SAXO1: variants seen among roughly 807,000 people sequenced by gnomAD.
SAXO1 encodes the protein stabilizer of axonemal microtubules 1.
Under a neutral mutation model 17.5 loss-of-function variants are expected in SAXO1, and 21 were observed. That is an observed-to-expected ratio of 1.20 (90% CI 0.85 to 1.72). SAXO1 has a LOEUF of 1.72. Ranked by LOEUF, SAXO1 falls within the 40% of genes most tolerant of loss-of-function variation. SAXO1 has a pLI of 0.00. For synonymous variants in SAXO1, 274 were observed against 216.5 expected, an observed-to-expected ratio of 1.27 and a Z score of -2.33; for missense variants, 843 against 596.0, an observed-to-expected ratio of 1.41 and a Z score of -4.32.
chr9:18,973,422 T>A (rs548691462), intron 1 of SAXO1, among the ~76,000 whole-genome samples: 1 of 152,312 alleles, frequency 6.6e-6, no homozygotes. Context: ...CCAAGTGAAA[T>A]TTCAGAAACA....
intron 1 of SAXO1, among the ~76,000 whole-genome samples, chr9:18,989,215 T>C (rs1370869523): frequency 3.9e-5 from 6 of 152,284 alleles, no homozygotes; most frequent in African/African-American, 1.4e-4. Context: ...AATACAATGA[T>C]GCCAAAACAG....
At chr9:18,943,831 C>T (rs773618097) in intron 2 of SAXO1, among the ~76,000 whole-genome samples, 1 of 152,214 alleles carries the variant, frequency 6.6e-6, no homozygotes, top group Non-Finnish European at 1.5e-5. Flanking sequence ...CTCAGAGCAT[C>T]TAGGGATGCT....
At chr9:18,979,019 A>G (rs146228569) in intron 1 of SAXO1, among the ~76,000 whole-genome samples, 7 of 152,322 alleles carry the variant, frequency 4.6e-5, no homozygotes, top group African/African-American at 1.4e-4. Context: ...GATAGCATCA[A>G]ATTTTTGCTT....
chr9:18,968,598 G>GGTT (rs1832823591), intron 1 of SAXO1, among the ~76,000 whole-genome samples: 3 of 144,060 alleles, frequency 2.1e-5, no homozygotes, highest in African/African-American at 7.6e-5. Context: ...CCCCCTTTTT[G>GGTT]TTTTTTTTTT....
intron 3 of SAXO1, among the ~76,000 whole-genome samples, chr9:18,936,542 C>G (rs1831300377): frequency 6.6e-6 from 1 of 152,142 alleles, no homozygotes; most frequent in African/African-American, 2.4e-5. Flanking sequence ...ATTTCTGATA[C>G]CCAACAATAT....
intron 1 of SAXO1, among the ~76,000 whole-genome samples, chr9:19,039,130 G>C (rs1588574970): frequency 6.7e-6 from 1 of 149,472 alleles, no homozygotes; most frequent in East Asian, 2.0e-4. Flanking sequence ...GCAAGACCCT[G>C]CCTCAAAAGA....
At chr9:18,934,420 T>G (rs1831198417) in intron 3 of SAXO1, among the ~76,000 whole-genome samples, 1 of 152,194 alleles carries the variant, frequency 6.6e-6, no homozygotes, top group South Asian at 2.1e-4. Context: ...TTTTTGCTGA[T>G]TCTTATGCCA....
intron 1 of SAXO1, among the ~76,000 whole-genome samples, chr9:18,977,345 C>A (rs1554674582): frequency 6.6e-6 from 1 of 151,640 alleles, no homozygotes; most frequent in Non-Finnish European, 1.5e-5. Flanking sequence ...ATGTGTAGAT[C>A]ATTTACCACA....
chr9:19,004,472 T>A (rs1834409611), intron 1 of SAXO1, among the ~76,000 whole-genome samples: 1 of 152,174 alleles, frequency 6.6e-6, no homozygotes, highest in South Asian at 2.1e-4. Context: ...AACCCAAATG[T>A]CCATCAATAA....
intron 1 of SAXO1, among the ~76,000 whole-genome samples, chr9:19,030,416 G>C (rs947361156): frequency 6.6e-6 from 1 of 151,256 alleles, no homozygotes; most frequent in Non-Finnish European, 1.5e-5. Context: ...CTTTAGAAAA[G>C]AGTCAATGTG....
At chr9:19,041,484 C>T (rs934768096) in intron 1 of SAXO1, among the ~76,000 whole-genome samples, 2 of 152,078 alleles carry the variant, frequency 1.3e-5, no homozygotes, top group Non-Finnish European at 2.9e-5. Context: ...TTGAGAATAG[C>T]CAAAGCTATC....
At position 18,927,937 on chromosome 9, in the gene SAXO1, GT is replaced by G. The variant is rs1830833444; in HGVS notation, c.*114del. 1.7e-6 allele frequency: 2 copies of G among 1,190,444 alleles called. No homozygotes were observed. The highest frequency in any genetic ancestry group is 4.8e-5 in the Admixed American group (2 of 41,360). The allele number at this position is 1,190,444 out of a possible 1,614,324, so 73.7% of individuals were successfully genotyped here. A position where few individuals can be genotyped will look rare whatever the true frequency, so the allele number is the denominator to read the frequency against. ...TTCAAGTGCTCTGGAAGTGGTGAAG[GT>G]TTTTTGTTTTTTGTTTTTTGTCATT... On this transcript the variant is annotated 3_prime_UTR_variant, in exon 4 of 4. Transcript: ENST00000380534.
At chr9:18,994,254 G>T (rs1412909624) in intron 1 of SAXO1, among the ~76,000 whole-genome samples, 1 of 152,062 alleles carries the variant, frequency 6.6e-6, no homozygotes, top group African/African-American at 2.4e-5. Flanking sequence ...GTTTTTACAT[G>T]TACATTTTCT....
chr9:18,988,088 TAC>T (rs1255821278), intron 1 of SAXO1, among the ~76,000 whole-genome samples: 5 of 152,168 alleles, frequency 3.3e-5, no homozygotes, highest in Non-Finnish European at 5.9e-5. Context: ...TCTGCTTAAC[TAC>T]AGAGAAAACA....
At chr9:18,942,975 G>A (rs75098170) in intron 2 of SAXO1, among the ~76,000 whole-genome samples, 10,297 of 152,304 alleles carry the variant, frequency 0.068, 407 homozygotes, top group African/African-American at 0.11. Context: ...GAAGGTTTCC[G>A]GACAGGAAAA....
intron 3 of SAXO1, among the ~76,000 whole-genome samples, chr9:18,941,436 T>G: frequency 1.3e-5 from 2 of 152,304 alleles, no homozygotes; most frequent in Middle Eastern, 3.4e-3. Flanking sequence ...CCTTTTGATT[T>G]GTTTTTCAAT....
At chr9:18,941,466 A>G (rs1028486960) in intron 3 of SAXO1, among the ~76,000 whole-genome samples, 171 bp downstream of exon 3, 1 of 152,062 alleles carries the variant, frequency 6.6e-6, no homozygotes, top group Non-Finnish European at 1.5e-5. Context: ...AAAATGCTTA[A>G]CTCTTCTTAG....
At chr9:18,993,236 C>T (rs1390520972) in intron 1 of SAXO1, among the ~76,000 whole-genome samples, 1 of 151,858 alleles carries the variant, frequency 6.6e-6, no homozygotes, top group East Asian at 1.9e-4. Flanking sequence ...GCCCCGCATG[C>T]ATTAGGTATT....
intron 2 of SAXO1, among the ~76,000 whole-genome samples, chr9:18,950,187 G>C (rs1359969152): frequency 6.6e-6 from 1 of 152,120 alleles, no homozygotes; most frequent in African/African-American, 2.4e-5. Flanking sequence ...CAGACCTAGA[G>C]CTAAACAATC....
Sources: allele counts gnomAD v4.1 joint callset (sites outside exome capture counted in the v4.1 genomes callset), GRCh38; gene constraint gnomAD v4.1.1; transcripts MANE v1.5; gene names NCBI Gene and HGNC (gene_info 2026-07-23, HGNC 2026-07-21).